The following SEC22C variants were observed in gnomAD, a reference collection of about 807,000 sequenced individuals.
The protein encoded by SEC22C is vesicle-trafficking protein SEC22c.
In SEC22C, 29 loss-of-function variants were observed where a neutral mutation model predicts 34.7. That is an observed-to-expected ratio of 0.84 (90% CI 0.62 to 1.14). The LOEUF is 1.14. SEC22C is among the 50% of genes most tolerant of loss of function. SEC22C has a pLI of 0.00. For missense variants in SEC22C, 337 were observed against 369.0 expected, an observed-to-expected ratio of 0.91 and a Z score of 0.71; for synonymous variants, 117 against 132.8, an observed-to-expected ratio of 0.88 and a Z score of 0.82.
At chr3:42,567,707 CT>C (rs749054046) in intron 2 of SEC22C, among the ~76,000 whole-genome samples, 1 of 152,160 alleles carries the variant, frequency 6.6e-6, no homozygotes, top group South Asian at 2.1e-4. Flanking sequence ...CCTTGTTAGA[CT>C]TTAAGTTCCT....
chr3:42,575,859 T>A (rs1466016855), intron 1 of SEC22C, among the ~76,000 whole-genome samples: 1 of 152,226 alleles, frequency 6.6e-6, no homozygotes, highest in Non-Finnish European at 1.5e-5. Flanking sequence ...CAATGGCTCA[T>A]ACCTGTAATC....
At chr3:42,568,577 C>T (rs1428815749) in intron 2 of SEC22C, among the ~76,000 whole-genome samples, 3 of 149,220 alleles carry the variant, frequency 2.0e-5, no homozygotes, top group Admixed American at 6.8e-5. Flanking sequence ...ACCCAGGAGG[C>T]GGAGGTTGCA....
At chr3:42,559,988 C>T (rs1702774445) in intron 4 of SEC22C, among the ~76,000 whole-genome samples, 1 of 151,678 alleles carries the variant, frequency 6.6e-6, no homozygotes, top group African/African-American at 2.4e-5. Context: ...ACGTTAGAAG[C>T]CCTGGCTCCA....
chr3:42,570,269 CA>C (rs1162321195), intron 1 of SEC22C, among the ~76,000 whole-genome samples: 1 of 152,178 alleles, frequency 6.6e-6, no homozygotes, highest in Non-Finnish European at 1.5e-5. Flanking sequence ...TATCCAAATG[CA>C]AATCAAAGAC....
upstream of SEC22C, among the ~76,000 whole-genome samples, chr3:42,586,360 C>CTG (rs1268967895): frequency 6.6e-6 from 1 of 152,152 alleles, no homozygotes; most frequent in Non-Finnish European, 1.5e-5. Context: ...GTAGCTGGGA[C>CTG]TACAGGCCTG....
At chr3:42,600,325 A>T (rs1263516870) in intron 1 of SEC22C, 1 of 152,260 alleles carries the variant, frequency 6.6e-6, no homozygotes, top group African/African-American at 2.4e-5. Context: ...GAAAACTCAA[A>T]GCCTCAATTC....
intron 1 of SEC22C, chr3:42,590,924 G>A (rs1704802686): frequency 1.2e-6 from 2 of 1,613,294 alleles, no homozygotes; most frequent in East Asian, 2.2e-5. Context: ...TACCGGACTG[G>A]CTGAGGGGCA....
Position 42,550,832 on chromosome 3 carries a change from A to G in SEC22C, c.*2416T>C, listed in dbSNP as rs1702216948. Reference sequence around the variant, plus strand: ...CATGGCAACCCAATGCCACATAGGAAAAGAAAACAGTCCATTTTTAAGCCG... The same window carrying G: ...CATGGCAACCCAATGCCACATAGGAGAAGAAAACAGTCCATTTTTAAGCCG... On this transcript the variant is annotated 3_prime_UTR_variant, in exon 7 of 7. Transcript: ENST00000264454. 9.1e-6 allele frequency: 9 copies of G among 984,822 alleles called. No homozygotes were observed. The highest frequency in any genetic ancestry group is 1.1e-5 in the Non-Finnish European group (9 of 829,864). 61.0% of individuals were successfully genotyped at this position (984,822 alleles called of 1,614,324 possible). A position where few individuals can be genotyped will look rare whatever the true frequency, so the allele number is the denominator to read the frequency against.
At chr3:42,599,635 T>C (rs1030260823) in intron 1 of SEC22C, among the ~76,000 whole-genome samples, 1 of 147,756 alleles carries the variant, frequency 6.8e-6, no homozygotes, top group African/African-American at 2.5e-5. Flanking sequence ...GAGCTTGCAG[T>C]GAGCCGAGAT....
chr3:42,600,500 TAGG>T (rs1705261859), intron 1 of SEC22C: 1 of 151,732 alleles, frequency 6.6e-6, no homozygotes, highest in Non-Finnish European at 1.5e-5. Context: ...CGCGCAGGTA[TAGG>T]AGCGCTGGCT....
chr3:42,589,911 T>C (rs373258462), intron 1 of SEC22C, among the ~76,000 whole-genome samples: 5 of 152,336 alleles, frequency 3.3e-5, no homozygotes, highest in African/African-American at 1.2e-4. Flanking sequence ...AGCTTCCTCC[T>C]TGCATCTTGC....
chr3:42,577,892 C>T (rs1339723063), intron 1 of SEC22C, among the ~76,000 whole-genome samples: 4 of 152,038 alleles, frequency 2.6e-5, no homozygotes, highest in African/African-American at 9.7e-5. Context: ...ATCACTTGAA[C>T]CTGGGAGGCG....
intron 3 of SEC22C, among the ~76,000 whole-genome samples, chr3:42,562,281 T>C (rs1448368478): frequency 6.6e-6 from 1 of 152,168 alleles, no homozygotes; most frequent in Non-Finnish European, 1.5e-5. Context: ...GGAAGGCACA[T>C]GCAGAGATAA....
At position 42,550,185 on chromosome 3, in the gene SEC22C, T is replaced by C. The variant is rs1702180687; in HGVS notation, c.*3063A>G. 2 of 985,370 alleles carry C rather than the reference T, an allele frequency of 2.0e-6. No homozygotes were observed. Among genetic ancestry groups the C allele is most frequent in the African/African-American group, 1.7e-5 (1 of 57,260 alleles). The allele number at this position is 985,370 out of a possible 1,614,324, so 61.0% of individuals were successfully genotyped here. ...ACAGTAGATGGGACTTAACACACTC[T>C]GATGCTCAAGGCCTTGCAGCATCTG... On this transcript the variant is annotated 3_prime_UTR_variant, in exon 7 of 7. Coordinates refer to ENST00000264454, the MANE Select transcript of SEC22C (RefSeq NM_032970.4).
At position 42,570,890 on chromosome 3, in the gene SEC22C, A is replaced by C. The variant is rs111771185; in HGVS notation, c.-27-1817T>G. The stretch of plus-strand genomic sequence containing the variant: ...TTTGAGACCAGGGCTTAGGCTCTCA[A>C]CAATAACTCCAAAAAGAACCATAAG... On this transcript the variant is annotated intron_variant, in intron 1 of 6. Coordinates refer to ENST00000264454, the MANE Select transcript of SEC22C (RefSeq NM_032970.4). 5.2e-3 allele frequency among the ~76,000 whole-genome samples: 786 copies of C among 152,342 alleles called. 10 individuals carry two copies. The highest frequency in any genetic ancestry group is 0.012 in the Admixed American group (187 of 15,296).
intron 2 of SEC22C, among the ~76,000 whole-genome samples, chr3:42,568,613 T>G (rs1481837982): frequency 6.9e-6 from 1 of 144,206 alleles, no homozygotes; most frequent in Non-Finnish European, 1.5e-5. Flanking sequence ...GCCACTGCAC[T>G]CCAGCCTGGG....
chr3:42,549,656 C>A lies in SEC22C; in HGVS notation c.*3592G>T. 2 of 985,454 alleles carry A rather than the reference C, an allele frequency of 2.0e-6. No homozygotes were observed. Among genetic ancestry groups the A allele is most frequent in the Non-Finnish European group, 2.4e-6 (2 of 829,954 alleles). 61.0% of individuals were successfully genotyped at this position (985,454 alleles called of 1,614,324 possible). A position where few individuals can be genotyped will look rare whatever the true frequency, so the allele number is the denominator to read the frequency against. ...CACTCTGAAGCTCGTCTACCCACCCCATTTGTTACAATTAAAGATGGTTTT... is the reference window on the plus strand; with the variant it reads ...CACTCTGAAGCTCGTCTACCCACCCAATTTGTTACAATTAAAGATGGTTTT... On this transcript the variant is annotated 3_prime_UTR_variant, in exon 7 of 7. Coordinates refer to ENST00000264454, the MANE Select transcript of SEC22C (RefSeq NM_032970.4).
intron 6 of SEC22C, among the ~76,000 whole-genome samples, chr3:42,555,006 A>T (rs1180904040): frequency 1.3e-5 from 2 of 151,852 alleles, no homozygotes; most frequent in African/African-American, 2.4e-5. Context: ...CAAAAAAATC[A>T]GCAGTTCTTT....
At chr3:42,557,719 G>A (rs1163563178) in intron 4 of SEC22C, 23 bp from the exon 5 acceptor site, 7 of 1,224,292 alleles carry the variant, frequency 5.7e-6, no homozygotes, top group Non-Finnish European at 8.4e-6. Context: ...AAAAAAACAA[G>A]TGTCTAGTGT....
Sources: gnomAD v4.1 joint callset for allele counts (sites outside exome capture counted in the v4.1 genomes callset) on GRCh38, gnomAD v4.1.1 for gene constraint, MANE v1.5 for transcripts, NCBI Gene and HGNC (gene_info 2026-07-23, HGNC 2026-07-21) for gene names.